Variants in MDN1 observed in about 807,000 individuals in gnomAD.
MDN1 encodes midasin AAA ATPase 1.
MDN1 carries 266 observed loss-of-function variants against 669.2 expected under a neutral mutation model. The ratio of observed to expected loss-of-function variants is 0.40; its 90% confidence interval spans 0.36 to 0.44. The LOEUF (loss-of-function observed/expected upper bound fraction) is 0.44, where lower values mean the gene tolerates loss of function less well. MDN1 is among the 20% of genes least tolerant of loss of function. MDN1 has a pLI of 1.00. For missense variants in MDN1, 5,940 were observed against 6,754.0 expected, an observed-to-expected ratio of 0.88 and a Z score of 4.22; for synonymous variants, 2,385 against 2,457.1, an observed-to-expected ratio of 0.97 and a Z score of 0.87.
Position 89,673,309 on chromosome 6 carries a change from T to A in MDN1, c.13401A>T (p.Arg4467Ser). The A allele has an allele frequency of 6.2e-7, 1 of 1,614,194 alleles. No individual in the cohort carries two copies. Among genetic ancestry groups the A allele is most frequent in the Non-Finnish European group, 8.5e-7 (1 of 1,180,032 alleles). Reference sequence around the variant, plus strand: ...CAGCCATGGCTTTACTAATTTCTCCTCTTACATATTCCAGACTTTCAACTA... The same window carrying A: ...CAGCCATGGCTTTACTAATTTCTCCACTTACATATTCCAGACTTTCAACTA... ...MALVESLEYV[R>S]GEISKAMADF... The change falls in exon 80 of 102, where the codon AGA becomes AGT. Residue 4467 changes from arginine to serine, a missense_variant. Coordinates refer to ENST00000369393, the MANE Select transcript of MDN1 (RefSeq NM_014611.3).
chr6:89,700,121 C>A lies in MDN1; in HGVS notation c.8812G>T (p.Ala2938Ser). ...VQLWPAMEYL[A>S]MLWRYKVTAD... Reference sequence around the variant, plus strand: ...GTCACTTTGTACCGCCAAAGCATAGCCAGGTACTCCATTGCAGGCCACAAC... The same window carrying A: ...GTCACTTTGTACCGCCAAAGCATAGACAGGTACTCCATTGCAGGCCACAAC... Residue 2938 changes from alanine to serine, a missense_variant, in exon 57 of 102, where the codon GCT (alanine) becomes TCT (serine). By Grantham distance (99) the Ala-to-Ser change is moderately conservative (BLOSUM62 1). Coordinates refer to ENST00000369393, the MANE Select transcript of MDN1 (RefSeq NM_014611.3). 6.2e-7 allele frequency: 1 copy of A among 1,614,122 alleles called. No homozygotes were observed. Among genetic ancestry groups the A allele is most frequent in the Non-Finnish European group, 8.5e-7 (1 of 1,180,024 alleles).
intron 2 of MDN1, chr6:89,797,454 G>A (rs963833690): frequency 1.6e-5 from 3 of 184,038 alleles, no homozygotes; most frequent in African/African-American, 4.8e-5. Context: ...TTCTGTTCTT[G>A]TGGTCGGCGG....
At chr6:89,645,924 G>A (rs1355246202) in intron 100 of MDN1, among the ~76,000 whole-genome samples, 1 of 152,142 alleles carries the variant, frequency 6.6e-6, no homozygotes, top group Non-Finnish European at 1.5e-5. Flanking sequence ...AAGTAAATGT[G>A]GTTGGATTAG....
intron 40 of MDN1, among the ~76,000 whole-genome samples, chr6:89,722,622 G>A (rs374292138): frequency 3.9e-5 from 6 of 152,366 alleles, no homozygotes; most frequent in East Asian, 3.9e-4. Context: ...GCTGAGACAG[G>A]TGGATCATCT....
Position 89,648,163 on chromosome 6 carries a change from C to G in MDN1, c.16281-17G>C. 4 of 1,609,030 alleles carry G rather than the reference C, an allele frequency of 2.5e-6. No individual in the cohort carries two copies. Among genetic ancestry groups the G allele is most frequent in the Non-Finnish European group, 3.4e-6 (4 of 1,175,508 alleles). On this transcript the variant is annotated splice_polypyrimidine_tract_variant and intron_variant, in intron 98 of 101. Coordinates refer to ENST00000369393, the MANE Select transcript of MDN1 (RefSeq NM_014611.3). ...TCTCCAAAACTTGGGGGAGGAAAACCAAATACAACAGGAGTTATTTTTTGG... is the reference window on the plus strand; with the variant it reads ...TCTCCAAAACTTGGGGGAGGAAAACGAAATACAACAGGAGTTATTTTTTGG...
Position 89,749,641 on chromosome 6 carries a change from C to T in MDN1, c.3517G>A (p.Glu1173Lys). The change falls in exon 25 of 102, where the codon GAA (glutamate) becomes AAA (lysine). Residue 1173 changes from glutamate (E) to lysine (K), a missense_variant. Physicochemically the swap from Glu to Lys is moderately conservative, Grantham distance 56 (BLOSUM62 1). Around this residue, in one of 5 missense-constraint regions of MDN1, gnomAD observed 2,292 missense variants for 2,638.3 expected, o/e 0.87. Coordinates refer to ENST00000369393, the MANE Select transcript of MDN1 (RefSeq NM_014611.3). ...ALNRLLDDNR[E>K]LLVTETQEVV... ...TCCTGTGTTTCTGTTACTAGCAATT[C>T]ACGGTTATCATCCAACAGCCTATTC... 1 of 1,614,106 alleles carries T rather than the reference C, an allele frequency of 6.2e-7. No homozygotes were observed. The highest frequency in any genetic ancestry group is 1.7e-5 in the Admixed American group (1 of 60,024).
intron 37 of MDN1, among the ~76,000 whole-genome samples, chr6:89,726,483 A>AAAAAAAAAAAAAAAAAAAAG (rs1491467845): frequency 1.1e-5 from 1 of 93,228 alleles, no homozygotes; most frequent in Non-Finnish European, 2.3e-5. Flanking sequence ...AGAAAAATAG[A>AAAAAAAAAAAAAAAAAAAAG]AAAAAAAAAA....
intron 22 of MDN1, among the ~76,000 whole-genome samples, chr6:89,753,183 A>G (rs939341922): frequency 1.3e-5 from 2 of 152,176 alleles, no homozygotes; most frequent in Non-Finnish European, 2.9e-5. Flanking sequence ...AGTCCCACTT[A>G]CATTAAACGC....
intron 15 of MDN1, among the ~76,000 whole-genome samples, chr6:89,768,017 G>A (rs1388621640): frequency 6.6e-6 from 1 of 151,944 alleles, no homozygotes; most frequent in Non-Finnish European, 1.5e-5. Context: ...ACTCCAGCCT[G>A]TGTGACAGAG....
At chr6:89,736,995 G>A (rs1334628590) in intron 33 of MDN1, among the ~76,000 whole-genome samples, 1 of 152,182 alleles carries the variant, frequency 6.6e-6, no homozygotes, top group Non-Finnish European at 1.5e-5. Context: ...GAAACACTGG[G>A]TGTGGGGCCC....
At chr6:89,803,657 C>G in intron 1 of MDN1, 103 bp from the exon 2 acceptor site, 1 of 830,574 alleles carries the variant, frequency 1.2e-6, no homozygotes, top group Non-Finnish European at 1.9e-6. Context: ...TCTCAGCTCA[C>G]TGCAAGCTCC....
intron 17 of MDN1, 57 bp downstream of exon 17, chr6:89,761,588 A>G: frequency 7.7e-7 from 1 of 1,293,342 alleles, no homozygotes; most frequent in Admixed American, 2.1e-5. Context: ...CCTGCCTGAA[A>G]CATTGTTTTG....
intron 9 of MDN1, among the ~76,000 whole-genome samples, chr6:89,784,335 A>C (rs1343674822): frequency 1.3e-5 from 2 of 152,102 alleles, no homozygotes; most frequent in East Asian, 3.9e-4. Context: ...AAATAAAATA[A>C]AAATAAAAGA....
chr6:89,733,311 G>A (rs1173520635), intron 33 of MDN1, among the ~76,000 whole-genome samples: 1 of 151,516 alleles, frequency 6.6e-6, no homozygotes, highest in Non-Finnish European at 1.5e-5. Flanking sequence ...CATGAATCAA[G>A]TTGAATATTC....
chr6:89,649,113 T>TA (rs1283301633), intron 97 of MDN1, among the ~76,000 whole-genome samples: 1 of 152,120 alleles, frequency 6.6e-6, no homozygotes, highest in East Asian at 1.9e-4. Flanking sequence ...AAAACCAATT[T>TA]AAAATCCATT....
intron 33 of MDN1, among the ~76,000 whole-genome samples, chr6:89,735,075 G>C (rs1037828427): frequency 1.3e-5 from 2 of 151,962 alleles, no homozygotes; most frequent in African/African-American, 2.4e-5. Context: ...ATTTTTAGTA[G>C]AGACGGGATT....
intron 1 of MDN1, among the ~76,000 whole-genome samples, chr6:89,804,828 G>A (rs959914076): frequency 2.6e-5 from 4 of 151,918 alleles, no homozygotes; most frequent in African/African-American, 9.7e-5. Context: ...TCAGGAGATC[G>A]AGACCATCCT....
At position 89,695,683 on chromosome 6, in the gene MDN1, C is replaced by G. The variant is rs1371896636; in HGVS notation, c.9693G>C (p.Gln3231His). 6.2e-7 allele frequency: 1 copy of G among 1,613,642 alleles called. No homozygotes were observed. The highest frequency in any genetic ancestry group is 1.7e-5 in the Admixed American group (1 of 60,032). Residue 3231 changes from glutamine (Q) to histidine (H), a missense_variant, in exon 61 of 102, where the codon CAG becomes CAC. Gln to His is a conservative substitution (Grantham distance 24, BLOSUM62 0). Coordinates refer to ENST00000369393, the MANE Select transcript of MDN1 (RefSeq NM_014611.3). This position sits in a 1 kb window ranked among gnomAD's most constrained non-coding sequence, Gnocchi z 4.1. ...GTGCCTGGGGAAGCCATGTCTGAAT[C>G]TGGAGCAAGCCGAGGCTCACCCAGA... Reference protein sequence around the residue: ...GSLWVSLGLLQIQTWLPQARF... With the variant: ...GSLWVSLGLLHIQTWLPQARF...
At chr6:89,685,070 G>A (rs945926399) in intron 70 of MDN1, 85 bp from the exon 71 acceptor site, 3 of 815,790 alleles carry the variant, frequency 3.7e-6, no homozygotes, top group South Asian at 1.6e-5. Flanking sequence ...TTTCAGTGAT[G>A]ACCCTTCCTC....
Sources: gnomAD v4.1 joint callset for allele counts (sites outside exome capture counted in the v4.1 genomes callset) on GRCh38, gnomAD v4.1.1 for gene constraint, gnomAD v4.1.1 regional missense constraint, Gnocchi (gnomAD v3.1) non-coding constraint, MANE v1.5 for transcripts, NCBI Gene and HGNC (gene_info 2026-07-23, HGNC 2026-07-21) for gene names.